Variants in GABRB3 observed in about 807,000 individuals in gnomAD.
GABRB3 encodes gamma-aminobutyric acid receptor subunit beta-3.
GABRB3 carries 14 observed loss-of-function variants against 52.1 expected under a neutral mutation model. That is an observed-to-expected ratio of 0.27 (90% CI 0.18 to 0.42). The LOEUF (loss-of-function observed/expected upper bound fraction) is 0.42, where lower values mean the gene tolerates loss of function less well. GABRB3 is among the 10% of genes least tolerant of loss of function. GABRB3 has a pLI of 1.00. For synonymous variants in GABRB3, 260 were observed against 232.3 expected (o/e 1.12, Z -1.08); for missense variants, 307 against 609.1 (o/e 0.50, Z 5.22).
intron 3 of GABRB3, among the ~76,000 whole-genome samples, chr15:26,756,773 T>C (rs1479359508): frequency 6.6e-6 from 1 of 152,214 alleles, no homozygotes; most frequent in African/African-American, 2.4e-5. Context: ...AATGTCTGCC[T>C]CACTTCTTTC....
At chr15:26,551,031 C>T (rs561961302) in intron 8 of GABRB3, among the ~76,000 whole-genome samples, 3 of 152,188 alleles carry the variant, frequency 2.0e-5, no homozygotes, top group Non-Finnish European at 2.9e-5. Context: ...GAAAGGCAAA[C>T]ACCGTTCCCA....
At chr15:26,744,579 C>G (rs973225561) in intron 3 of GABRB3, among the ~76,000 whole-genome samples, 2 of 152,084 alleles carry the variant, frequency 1.3e-5, no homozygotes, top group African/African-American at 4.8e-5. Context: ...ATGCCTGCCA[C>G]CATGCCTGGC....
At chr15:26,710,506 C>A (rs1889258135) in intron 3 of GABRB3, among the ~76,000 whole-genome samples, 2 of 152,198 alleles carry the variant, frequency 1.3e-5, no homozygotes, top group Non-Finnish European at 2.9e-5. Flanking sequence ...AAGTGATCCT[C>A]CCACCTTGGC....
intron 3 of GABRB3, chr15:26,772,105 CGCTGGAGGA>C: frequency 2.9e-6 from 1 of 346,642 alleles, no homozygotes; most frequent in Non-Finnish European, 5.1e-6. Flanking sequence ...GGCGACAGAG[CGCTGGAGGA>C]GCTGGGAGCC....
At chr15:26,611,813 C>T (rs1436425307) in intron 4 of GABRB3, 1 of 152,166 alleles carries the variant, frequency 6.6e-6, no homozygotes, top group Admixed American at 6.5e-5. Flanking sequence ...AGTTAAAGCT[C>T]TTAGCGTTGA....
At chr15:26,581,590 T>C (rs1242571385) in intron 5 of GABRB3, among the ~76,000 whole-genome samples, 1 of 152,146 alleles carries the variant, frequency 6.6e-6, no homozygotes, top group Non-Finnish European at 1.5e-5. Context: ...ATCCCTCCTT[T>C]CTCATTCACC....
intron 3 of GABRB3, among the ~76,000 whole-genome samples, chr15:26,650,778 C>T (rs1427610227): frequency 6.6e-6 from 1 of 152,134 alleles, no homozygotes; most frequent in Non-Finnish European, 1.5e-5. Context: ...AATCAGCATG[C>T]ACTTCCCATC....
At chr15:26,752,382 G>C (rs1056489702) in intron 3 of GABRB3, among the ~76,000 whole-genome samples, 85 of 151,840 alleles carry the variant, frequency 5.6e-4, no homozygotes, top group Non-Finnish European at 1.6e-4. Flanking sequence ...TCCTGCCTCA[G>C]CCTCCCGAGT....
intron 3 of GABRB3, among the ~76,000 whole-genome samples, chr15:26,770,107 T>C (rs1891106709): frequency 6.6e-6 from 1 of 152,192 alleles, no homozygotes; most frequent in Admixed American, 6.5e-5. Context: ...ACAGGTGAAA[T>C]ACCATAGCTA....
chr15:26,625,298 G>A (rs534860184), intron 3 of GABRB3: 67 of 197,136 alleles, frequency 3.4e-4, no homozygotes, highest in African/African-American at 1.3e-3. Flanking sequence ...TCAGAACCCC[G>A]GCACCACCAA....
intron 6 of GABRB3, among the ~76,000 whole-genome samples, chr15:26,570,001 C>T (rs1487042928): frequency 1.3e-5 from 2 of 152,312 alleles, no homozygotes; most frequent in African/African-American, 2.4e-5. Context: ...TGCTAATCCT[C>T]GCTTGTATTC....
intron 4 of GABRB3, among the ~76,000 whole-genome samples, chr15:26,593,978 T>TAA (rs1240547876): frequency 9.8e-4 from 19 of 19,320 alleles, no homozygotes; most frequent in Non-Finnish European, 1.5e-3. Context: ...CTTCTCATTT[T>TAA]AAAATATATA....
At chr15:26,549,865 T>C (rs1889393716) in intron 8 of GABRB3, among the ~76,000 whole-genome samples, 1 of 152,100 alleles carries the variant, frequency 6.6e-6, no homozygotes, top group African/African-American at 2.4e-5. Flanking sequence ...AGGAAAGAGA[T>C]TTGAGCATTT....
intron 3 of GABRB3, among the ~76,000 whole-genome samples, chr15:26,660,229 C>T (rs1246939350): frequency 2.1e-5 from 3 of 144,148 alleles, no homozygotes; most frequent in East Asian, 2.0e-4. Context: ...GACTCCATCT[C>T]GGAAAAAAAA....
At chr15:26,590,731 G>C (rs1322285524) in intron 4 of GABRB3, among the ~76,000 whole-genome samples, 1 of 152,206 alleles carries the variant, frequency 6.6e-6, no homozygotes, top group African/African-American at 2.4e-5. Context: ...TGAAGATGTT[G>C]CTGGGAAAAT....
intron 7 of GABRB3, among the ~76,000 whole-genome samples, chr15:26,565,503 A>C (rs1890133446): frequency 6.6e-6 from 1 of 152,208 alleles, no homozygotes; most frequent in Admixed American, 6.5e-5. Flanking sequence ...AAGCCTCAGC[A>C]ACCCTAGCCA....
At chr15:26,595,217 T>G (rs1891353108) in intron 4 of GABRB3, among the ~76,000 whole-genome samples, 1 of 152,196 alleles carries the variant, frequency 6.6e-6, no homozygotes, top group Admixed American at 6.5e-5. Flanking sequence ...CCCCTTCTCT[T>G]ACTTGCATTC....
intron 3 of GABRB3, among the ~76,000 whole-genome samples, chr15:26,751,821 A>G (rs1890517607): frequency 6.6e-6 from 1 of 151,964 alleles, no homozygotes; most frequent in African/African-American, 2.4e-5. Context: ...TTTTTAGGAA[A>G]AAAAGCCATG....
chr15:26,739,462 T>C (rs1302352306), intron 3 of GABRB3, among the ~76,000 whole-genome samples: 1 of 152,106 alleles, frequency 6.6e-6, no homozygotes, highest in East Asian at 1.9e-4. Flanking sequence ...CAGAAATCTA[T>C]GAAGGGATCA....
Sources: gnomAD v4.1 joint callset for allele counts (sites outside exome capture counted in the v4.1 genomes callset) on GRCh38, gnomAD v4.1.1 for gene constraint, MANE v1.5 for transcripts, NCBI Gene and HGNC (gene_info 2026-07-23, HGNC 2026-07-21) for gene names.